The following DCHS2 variants were observed in gnomAD, a reference collection of about 807,000 sequenced individuals.
DCHS2 encodes protocadherin-23.
In DCHS2, 142 loss-of-function variants were observed where a neutral mutation model predicts 182.4. The observed-to-expected ratio is 0.78, with a 90% CI of 0.68 to 0.89. The LOEUF is 0.89. DCHS2 is among the 40% of genes least tolerant of loss of function. The pLI is 0.00. For missense variants in DCHS2, 4,319 were observed against 4,198.6 expected (o/e 1.03, Z -0.79); for synonymous variants, 1,740 against 1,663.3 (o/e 1.05, Z -1.12).
rs79204365 is a variant in DCHS2, at chr4:154,344,833, G to C, written c.2477-9729C>G. Reference sequence around the variant, plus strand: ...GCAGAGCTACGTTCAAACCTTTAAGGGCAGGGCCCAGGAAGTACTCTGGTC... The same window carrying C: ...GCAGAGCTACGTTCAAACCTTTAAGCGCAGGGCCCAGGAAGTACTCTGGTC... On this transcript the variant is annotated intron_variant, in intron 3 of 19. Transcript: ENST00000357232. Among the ~76,000 whole-genome samples the C allele has an allele frequency of 8.7e-3, 1,320 of 152,224 alleles. 10 individuals carry two copies. The highest frequency in any genetic ancestry group is 0.028 in the African/African-American group (1,167 of 41,532).
chr4:154,346,313 C>A (rs1729358203), intron 3 of DCHS2, among the ~76,000 whole-genome samples: 1 of 152,226 alleles, frequency 6.6e-6, no homozygotes, highest in East Asian at 1.9e-4. Context: ...CAAGAATAGA[C>A]AATAGAACGG....
chr4:154,293,033 C>G (rs1734736210), intron 13 of DCHS2, among the ~76,000 whole-genome samples: 1 of 152,174 alleles, frequency 6.6e-6, no homozygotes, highest in Non-Finnish European at 1.5e-5. Flanking sequence ...TGATCAACTC[C>G]TGTAAAATAT....
chr4:154,248,117 G>T (rs1261066262), intron 16 of DCHS2, among the ~76,000 whole-genome samples: 1 of 152,162 alleles, frequency 6.6e-6, no homozygotes, highest in African/African-American at 2.4e-5. Context: ...TATTTACAAG[G>T]CATTCAGTGC....
At position 154,236,188 on chromosome 4, in the gene DCHS2, G is replaced by C; in HGVS notation, c.8464C>G (p.His2822Asp). Residue 2822 changes from histidine (H) to aspartate (D), a missense_variant, in exon 20 of 20, where the codon CAT becomes GAT. His to Asp is a moderately conservative substitution (Grantham distance 81, BLOSUM62 -1). Transcript: ENST00000357232. ...CFLTHGMSYD[H>D]DLFLIDPLTG... is the part of the protein sequence containing the mutation. ...AAAGGGTCAATGAGGAAGAGATCAT[G>C]ATCATAAGACATTCCATGAGTGAGA... is the stretch of plus-strand genomic sequence containing the variant. 1 of 1,613,888 alleles carries C rather than the reference G, an allele frequency of 6.2e-7. No individual in the cohort carries two copies. Among genetic ancestry groups the C allele is most frequent in the Non-Finnish European group, 8.5e-7 (1 of 1,179,940 alleles).
chr4:154,382,572 G>GA (rs941586195), intron 1 of DCHS2, among the ~76,000 whole-genome samples: 1 of 151,972 alleles, frequency 6.6e-6, no homozygotes, highest in African/African-American at 2.4e-5. Context: ...CTCAGAATGG[G>GA]AAAAAATAAT....
chr4:154,234,807 G>C lies in DCHS2; in HGVS notation c.9845C>G (p.Thr3282Arg). The C allele has an allele frequency of 6.2e-7, 1 of 1,614,054 alleles. No homozygotes were observed. Among genetic ancestry groups the C allele is most frequent in the Non-Finnish European group, 8.5e-7 (1 of 1,179,942 alleles). ...TTTAATCCCAGGCTGGGCTACTGCT[G>C]TTATCAAAGGGGGTGGAAAAACAAA... ...KSFVFPPPLI[T>R]AVAQPGIKAV... The change falls in exon 20 of 20, where the codon ACA (threonine) becomes AGA (arginine). Residue 3282 changes from threonine to arginine, a missense_variant. Coordinates refer to ENST00000357232, the MANE Select transcript of DCHS2 (RefSeq NM_001358235.2).
intron 1 of DCHS2, among the ~76,000 whole-genome samples, chr4:154,389,535 T>C (rs553604071): frequency 2.1e-5 from 3 of 146,090 alleles, no homozygotes; most frequent in African/African-American, 7.5e-5. Context: ...TATATATATA[T>C]AACCTTTTTT....
At chr4:154,376,662 A>G (rs1730914715) in intron 2 of DCHS2, among the ~76,000 whole-genome samples, 2 of 152,196 alleles carry the variant, frequency 1.3e-5, no homozygotes, top group African/African-American at 2.4e-5. Context: ...TGCTGATGCA[A>G]TAAGAAGCAA....
intron 3 of DCHS2, among the ~76,000 whole-genome samples, chr4:154,335,469 C>A (rs1044552095): frequency 1.3e-5 from 2 of 152,184 alleles, no homozygotes; most frequent in African/African-American, 4.8e-5. Flanking sequence ...GAAGCATTGG[C>A]TCTTCCTAGG....
chr4:154,486,621 C>T, intron 1 of DCHS2: 1 of 1,140,658 alleles, frequency 8.8e-7, no homozygotes, highest in Non-Finnish European at 1.1e-6. Flanking sequence ...CAGGAGGTGT[C>T]ATGAGATTCA....
intron 3 of DCHS2, among the ~76,000 whole-genome samples, chr4:154,346,724 T>A (rs552609708): frequency 6.6e-6 from 1 of 152,010 alleles, no homozygotes; most frequent in East Asian, 1.9e-4. Flanking sequence ...AGTGGGAAAC[T>A]ATCTTATGTT....
At chr4:154,314,473 C>G (rs1735778737) in intron 10 of DCHS2, among the ~76,000 whole-genome samples, 1 of 152,144 alleles carries the variant, frequency 6.6e-6, no homozygotes, top group South Asian at 2.1e-4. Flanking sequence ...CTGCCCCACT[C>G]CGGTCAAAGA....
intron 7 of DCHS2, chr4:154,323,299 G>A (rs929467533): frequency 3.9e-5 from 60 of 1,547,832 alleles, no homozygotes; most frequent in Non-Finnish European, 5.0e-5. Context: ...CTTCCCAAAT[G>A]CTGTTTTTCC....
At chr4:154,328,608 T>G (rs1006253755) in intron 6 of DCHS2, among the ~76,000 whole-genome samples, 8 of 152,176 alleles carry the variant, frequency 5.3e-5, no homozygotes, top group African/African-American at 1.7e-4. Flanking sequence ...ACAAAACTCA[T>G]GCAGGACATA....
rs761423715 is a variant in DCHS2 at position 154,320,494 on chromosome 4, G to A, written c.4905C>T (p.Gly1635=). The A allele has an allele frequency of 6.2e-7, 1 of 1,614,090 alleles. No individual in the cohort carries two copies. The highest frequency in any genetic ancestry group is 1.3e-5 in the African/African-American group (1 of 75,034). Residue 1635 remains glycine (G), a synonymous_variant, in exon 9 of 20, where the codon GGC becomes GGT. Coordinates refer to ENST00000357232, the MANE Select transcript of DCHS2 (RefSeq NM_001358235.2). ...GAGCAGTTATGTGGTGGACCAAGGAGCCCACTGTGACATCCTCTTTGACAT... is the reference window on the plus strand; with the variant it reads ...GAGCAGTTATGTGGTGGACCAAGGAACCCACTGTGACATCCTCTTTGACAT... ...NAHVKEDVTV[G]SLVHHITAHD... is the part of the protein sequence containing the mutation.
At chr4:154,383,451 C>T (rs1426078642) in intron 1 of DCHS2, among the ~76,000 whole-genome samples, 3 of 152,066 alleles carry the variant, frequency 2.0e-5, no homozygotes, top group African/African-American at 7.2e-5. Flanking sequence ...TGCACATGTA[C>T]CCCTTGAATC....
At chr4:154,343,621 C>T (rs1266622649) in intron 3 of DCHS2, 1 of 1,506,568 alleles carries the variant, frequency 6.6e-7, no homozygotes, top group East Asian at 2.5e-5. Flanking sequence ...TTTTTTTCTG[C>T]AGCTTCCTCA....
rs144958561 is a variant in DCHS2 at position 154,255,619 on chromosome 4, T to C, written c.6841A>G (p.Ile2281Val). 2.0e-5 allele frequency: 32 copies of C among 1,613,834 alleles called. No individual in the cohort carries two copies. Among genetic ancestry groups the C allele is most frequent in the Non-Finnish European group, 2.7e-5 (32 of 1,179,948 alleles). The change falls in exon 16 of 20, where the codon ATT becomes GTT. Residue 2281 changes from isoleucine to valine, a missense_variant. Ile to Val is a conservative substitution (Grantham distance 29). Coordinates refer to ENST00000357232, the MANE Select transcript of DCHS2 (RefSeq NM_001358235.2). ...GCTTCTTCTTGGTTGCCAGACAGAA[T>C]AGAATACTCAATCAGGCCGTTCAAA... ...SGLNGLIEYSILSGNQEEAFQ... is the reference protein window; with the variant it reads ...SGLNGLIEYSVLSGNQEEAFQ...
chr4:154,334,800 C>T, intron 4 of DCHS2, 68 bp downstream of exon 4: 1 of 1,262,290 alleles, frequency 7.9e-7, no homozygotes, highest in Non-Finnish European at 1.1e-6. Context: ...CAAGATTGTA[C>T]CGCCTACAAA....
Sources: allele counts gnomAD v4.1 joint callset (sites outside exome capture counted in the v4.1 genomes callset), GRCh38; gene constraint gnomAD v4.1.1; transcripts MANE v1.5; gene names NCBI Gene and HGNC (gene_info 2026-07-23, HGNC 2026-07-21).